The following DNAAF9 variants were observed in gnomAD, a reference collection of about 807,000 sequenced individuals.
DNAAF9 encodes the protein dynein axonemal assembly factor 9.
Under a neutral mutation model 167.0 loss-of-function variants are expected in DNAAF9, and 90 were observed. The observed-to-expected ratio is 0.54, with a 90% CI of 0.45 to 0.64. The LOEUF is 0.64. DNAAF9 is among the 30% of genes least tolerant of loss of function. The pLI, the probability that DNAAF9 is intolerant of heterozygous loss-of-function variation, is 0.00. For synonymous variants in DNAAF9, 491 were observed against 508.8 expected, an observed-to-expected ratio of 0.96 and a Z score of 0.47; for missense variants, 1,315 against 1,442.2, an observed-to-expected ratio of 0.91 and a Z score of 1.43.
At chr20:3,267,745 G>T (rs2068514407) in intron 30 of DNAAF9, among the ~76,000 whole-genome samples, 1 of 152,078 alleles carries the variant, frequency 6.6e-6, no homozygotes, top group Admixed American at 6.5e-5. Flanking sequence ...TGGGGCAAGA[G>T]AATCACTTGA....
chr20:3,310,685 A>G (rs1434964062), intron 20 of DNAAF9, among the ~76,000 whole-genome samples: 1 of 142,314 alleles, frequency 7.0e-6, no homozygotes, highest in Non-Finnish European at 1.5e-5. Flanking sequence ...ACTTAGTCTC[A>G]AGAAAAAAAA....
At chr20:3,259,394 C>T (rs2068338580) in intron 33 of DNAAF9, 86 bp downstream of exon 33, 2 of 902,090 alleles carry the variant, frequency 2.2e-6, no homozygotes, top group Admixed American at 1.7e-5. Context: ...CAGTGGTCTG[C>T]AGAGCACCAG....
chr20:3,351,726 G>C (rs1402792507), intron 7 of DNAAF9, among the ~76,000 whole-genome samples: 1 of 152,148 alleles, frequency 6.6e-6, no homozygotes, highest in Non-Finnish European at 1.5e-5. Flanking sequence ...TCACGATAGT[G>C]TTATTCTTGT....
Position 3,252,663 on chromosome 20 carries a change from TC to T in DNAAF9, c.3442del (p.Asp1148ThrfsTer28). 6.2e-7 allele frequency: 1 copy of T among 1,606,112 alleles called. No homozygotes were observed. On this transcript the variant is annotated frameshift_variant, in exon 37 of 37. Coordinates refer to ENST00000252032, the MANE Select transcript of DNAAF9 (RefSeq NM_001009984.3). LOFTEE classifies it high-confidence loss of function. ...TTCCCGGTTGGCTTCTTCCACGTAG[TC>T]ATTCATGAACTGGTCCATGACTGGT... The part of the protein sequence containing the change: ...FHPLMDQFMN[D>X]YVEEANREIE...
At chr20:3,351,856 T>TATC (rs1285795136) in intron 7 of DNAAF9, among the ~76,000 whole-genome samples, 1 of 142,200 alleles carries the variant, frequency 7.0e-6, no homozygotes, top group African/African-American at 2.6e-5. Context: ...ATTTATTTAT[T>TATC]TATTTATTTT....
intron 1 of DNAAF9, among the ~76,000 whole-genome samples, chr20:3,386,593 T>C (rs2123260230): frequency 6.6e-6 from 1 of 151,038 alleles, no homozygotes; most frequent in African/African-American, 2.5e-5. Flanking sequence ...GTGTGATCCA[T>C]AGGGAAAAAA....
Position 3,340,597 on chromosome 20 carries a change from T to C in DNAAF9, c.888A>G (p.Thr296=), listed in dbSNP as rs80335486. The C allele has an allele frequency of 8.9e-3, 14,283 of 1,613,690 alleles. 116 individuals carry two copies. The highest frequency in any genetic ancestry group is 0.042 in the African/African-American group (3,173 of 74,954). The part of the protein sequence containing the change: ...QPFVLFGNHS[T]RENLNAGNFN... ...AGTTGCCAGCATTCAGGTTTTCTCG[T>C]GTGGAGTGATTACCAAAGAGAACAA... The change falls in exon 10 of 37, where the codon ACA becomes ACG. Residue 296 remains threonine, a synonymous_variant. Coordinates refer to ENST00000252032, the MANE Select transcript of DNAAF9 (RefSeq NM_001009984.3).
chr20:3,324,742 G>GAATCATGAATGATT (rs1491546399), intron 14 of DNAAF9, 150 bp downstream of exon 14: 14 of 615,662 alleles, frequency 2.3e-5, no homozygotes, highest in African/African-American at 2.2e-4. Context: ...CTAAGTGAAG[G>GAATCATGAATGATT]CTGAATCATG....
chr20:3,361,017 A>G (rs1188824461), intron 6 of DNAAF9, among the ~76,000 whole-genome samples: 1 of 152,174 alleles, frequency 6.6e-6, no homozygotes, highest in African/African-American at 2.4e-5. Context: ...TGAGGACCCA[A>G]TATTCATTTC....
intron 6 of DNAAF9, among the ~76,000 whole-genome samples, chr20:3,368,201 G>A (rs141621241): frequency 3.9e-5 from 6 of 152,218 alleles, no homozygotes; most frequent in East Asian, 1.9e-4. Context: ...TTTGGTCCCC[G>A]CAGACTCCCA....
intron 7 of DNAAF9, among the ~76,000 whole-genome samples, chr20:3,356,330 T>C (rs6139095): frequency 0.63 from 96,401 of 152,044 alleles, 30,796 homozygotes; most frequent in South Asian, 0.69. Flanking sequence ...ATTCAGAGCC[T>C]GGTTTAGAGC....
intron 7 of DNAAF9, among the ~76,000 whole-genome samples, chr20:3,357,339 C>T (rs1421131002): frequency 6.6e-6 from 1 of 152,130 alleles, no homozygotes; most frequent in Non-Finnish European, 1.5e-5. Context: ...GGCGTGGTGG[C>T]ACGCGCCTGT....
At chr20:3,389,575 T>C (rs946522512) in intron 1 of DNAAF9, among the ~76,000 whole-genome samples, 86 of 151,260 alleles carry the variant, frequency 5.7e-4, no homozygotes, top group Admixed American at 1.5e-3. Flanking sequence ...GAGACCAACA[T>C]GTGCAACATA....
intron 20 of DNAAF9, among the ~76,000 whole-genome samples, chr20:3,305,084 T>G (rs1352716844): frequency 6.6e-6 from 1 of 152,144 alleles, no homozygotes; most frequent in Non-Finnish European, 1.5e-5. Context: ...TGCTCTTCTG[T>G]AGTTCACAAA....
At chr20:3,405,378 CA>C (rs1327185410) in intron 1 of DNAAF9, among the ~76,000 whole-genome samples, 33 of 152,136 alleles carry the variant, frequency 2.2e-4, no homozygotes, top group African/African-American at 7.7e-4. Context: ...CAGTCAGCAG[CA>C]AAGCCATATA....
intron 25 of DNAAF9, among the ~76,000 whole-genome samples, chr20:3,292,946 C>T (rs1190589756): frequency 2.6e-5 from 4 of 151,662 alleles, no homozygotes; most frequent in African/African-American, 4.8e-5. Flanking sequence ...ATTAACAGGG[C>T]GTGGTGGCAG....
intron 14 of DNAAF9, among the ~76,000 whole-genome samples, chr20:3,324,066 A>AG (rs2069667844): frequency 6.6e-6 from 1 of 152,192 alleles, no homozygotes; most frequent in South Asian, 2.1e-4. Flanking sequence ...CAGAAGACCC[A>AG]GGGGAAAGAA....
At chr20:3,361,914 G>A in intron 6 of DNAAF9, 6 of 1,504,096 alleles carry the variant, frequency 4.0e-6, no homozygotes, top group Non-Finnish European at 3.7e-6. Context: ...AGGTGGCTGA[G>A]GGAGTTTCAT....
intron 30 of DNAAF9, among the ~76,000 whole-genome samples, chr20:3,269,804 C>T (rs2068559363): frequency 2.0e-5 from 3 of 151,680 alleles, no homozygotes; most frequent in Admixed American, 2.0e-4. Context: ...AATACAAAAA[C>T]AAAATTAGCC....
Sources: gnomAD v4.1 joint callset for allele counts (sites outside exome capture counted in the v4.1 genomes callset) on GRCh38, gnomAD v4.1.1 for gene constraint, MANE v1.5 for transcripts, NCBI Gene and HGNC (gene_info 2026-07-23, HGNC 2026-07-21) for gene names.